ZSWIM4: variants seen among roughly 807,000 people sequenced by gnomAD.
The protein encoded by ZSWIM4 is zinc finger SWIM domain-containing protein 4.
Under a neutral mutation model 102.5 loss-of-function variants are expected in ZSWIM4, and 62 were observed. The observed-to-expected ratio is 0.60, with a 90% CI of 0.49 to 0.75. The LOEUF (loss-of-function observed/expected upper bound fraction) is 0.75, where lower values mean the gene tolerates loss of function less well. Among genes scored for constraint, ZSWIM4 ranks in the 30% least tolerant of loss-of-function variants. The pLI is 0.00. For missense variants in ZSWIM4, 1,280 were observed against 1,529.6 expected (o/e 0.84, Z 2.72); for synonymous variants, 652 against 674.5 (o/e 0.97, Z 0.52).
chr19:13,809,991 C>CT lies in ZSWIM4; in HGVS notation c.1012+784dup, dbSNP rs368996612. ...TTGTTTGTTTGTTTTCTTTTCTTTT[C>CT]TTTTTTTTTTTTTGAGAAGGAGTCT... On this transcript the variant is annotated intron_variant, in intron 5 of 13. Coordinates refer to ENST00000590508, the MANE Select transcript of ZSWIM4 (RefSeq NM_001367834.3). The surrounding 1 kb of genome is among the most constrained non-coding windows in gnomAD (Gnocchi z 4.2). Among the ~76,000 whole-genome samples the CT allele has an allele frequency of 0.11, 15,060 of 142,652 alleles. 895 individuals are homozygous for CT. Among genetic ancestry groups the CT allele is most frequent in the African/African-American group, 0.16 (6,159 of 38,698 alleles). 93.6% of individuals were successfully genotyped at this position (142,652 alleles called of 152,430 possible).
At position 13,832,200 on chromosome 19, in the gene ZSWIM4, C is replaced by A. The variant is rs1469843634; in HGVS notation, c.*1150C>A. On this transcript the variant is annotated 3_prime_UTR_variant, in exon 14 of 14. Coordinates refer to ENST00000590508, the MANE Select transcript of ZSWIM4 (RefSeq NM_001367834.3). ...TTGAGACTGGGGTGCATCTCCAGAGCCACTCACACCCTCAACCTCGTTTCC... is the reference window on the plus strand; with the variant it reads ...TTGAGACTGGGGTGCATCTCCAGAGACACTCACACCCTCAACCTCGTTTCC... 1 of 136,810 alleles carries A rather than the reference C, an allele frequency of 7.3e-6. No individual in the cohort carries two copies. The highest frequency in any genetic ancestry group is 2.9e-5 in the African/African-American group (1 of 34,960). The allele number at this position is 136,810 out of a possible 1,614,324, so 8.5% of individuals were successfully genotyped here. A position where few individuals can be genotyped will look rare whatever the true frequency, so the allele number is the denominator to read the frequency against.
chr19:13,808,506 C>T (rs1386151088), intron 3 of ZSWIM4, among the ~76,000 whole-genome samples: 8 of 151,744 alleles, frequency 5.3e-5, no homozygotes, highest in Non-Finnish European at 7.4e-5. Flanking sequence ...GAGGCCAAGG[C>T]GGGTGGATCA....
In ZSWIM4 at chr19:13,795,660, C is replaced by T. The variant is rs1015953921; in HGVS notation, c.12C>T (p.Pro4=). 12 of 834,352 alleles carry T rather than the reference C, an allele frequency of 1.4e-5. No homozygotes were observed. The African/African-American group carries it at 2.0e-4, about 14-fold the overall frequency. The allele number at this position is 834,352 out of a possible 1,614,324, so 51.7% of individuals were successfully genotyped here. Residue 4 remains proline (P), a synonymous_variant, in exon 1 of 14, where the codon CCC becomes CCT. Transcript: ENST00000590508. ...CCCGGCCGGGCCGGATGGAACCCCC[C>T]GCGGCCAAGCGGAGCCGGGGCTGCC... MEP[P]AAKRSRGCPA...
chr19:13,830,352 C>T lies in ZSWIM4; in HGVS notation c.2623C>T (p.Leu875=), dbSNP rs1411062215. ...GGAGCTCTGGGCCTGCGCCCGCACC[C>T]TGGCCTTGCAGTGCGCGATGAAGGA... ...REELWACART[L]ALQCAMKDPQ... The change falls in exon 14 of 14, where the codon CTG becomes TTG. Residue 875 remains leucine (L), a synonymous_variant. Transcript: ENST00000590508. 6 of 1,613,206 alleles carry T rather than the reference C, an allele frequency of 3.7e-6. No individual in the cohort carries two copies. Among genetic ancestry groups the T allele is most frequent in the Middle Eastern group, 3.3e-4 (2 of 6,084 alleles).
At chr19:13,806,551 A>G (rs1250957819) in intron 3 of ZSWIM4, among the ~76,000 whole-genome samples, 1 of 152,024 alleles carries the variant, frequency 6.6e-6, no homozygotes, top group Non-Finnish European at 1.5e-5. Context: ...ACACGCCTGT[A>G]GATACTTGGG....
At chr19:13,813,790 G>A (rs1179031173) in intron 6 of ZSWIM4, among the ~76,000 whole-genome samples, 7 of 151,386 alleles carry the variant, frequency 4.6e-5, no homozygotes, top group Admixed American at 2.6e-4. Flanking sequence ...GTGTTGTGAC[G>A]CACACCTGGA....
chr19:13,796,831 C>T (rs892123905), intron 1 of ZSWIM4: 11 of 152,362 alleles, frequency 7.2e-5, no homozygotes, highest in South Asian at 2.1e-4. Context: ...TATCCTCTGT[C>T]CAGCTTCAGG....
chr19:13,797,994 G>A (rs1974656812), intron 1 of ZSWIM4, among the ~76,000 whole-genome samples: 1 of 152,244 alleles, frequency 6.6e-6, no homozygotes, highest in Admixed American at 6.5e-5. Flanking sequence ...ACGAATTTGT[G>A]TTGGCCTGCA....
chr19:13,807,401 T>C (rs1368009548), intron 3 of ZSWIM4, among the ~76,000 whole-genome samples: 1 of 152,010 alleles, frequency 6.6e-6, no homozygotes, highest in African/African-American at 2.4e-5. Context: ...GTGAGACAGA[T>C]GAGTAAACAG....
intron 3 of ZSWIM4, 132 bp from the exon 4 acceptor site, chr19:13,808,704 A>C: frequency 1.0e-5 from 10 of 957,574 alleles, no homozygotes; most frequent in Non-Finnish European, 1.5e-5. Flanking sequence ...GTGCTACAGC[A>C]CTCCAGCCTG....
chr19:13,820,436 A>T (rs1447888642), intron 10 of ZSWIM4, among the ~76,000 whole-genome samples: 1 of 152,080 alleles, frequency 6.6e-6, no homozygotes, highest in Admixed American at 6.6e-5. Context: ...GGGTTTCACC[A>T]TGTTGCTCAG....
intron 12 of ZSWIM4, among the ~76,000 whole-genome samples, chr19:13,826,601 C>A (rs1226621490): frequency 6.6e-6 from 1 of 151,968 alleles, no homozygotes; most frequent in Non-Finnish European, 1.5e-5. Context: ...TCCGTCTCTA[C>A]TAAAAATACA....
intron 2 of ZSWIM4, among the ~76,000 whole-genome samples, chr19:13,801,428 C>T (rs571183694): frequency 3.2e-4 from 48 of 152,130 alleles, no homozygotes; most frequent in Non-Finnish European, 4.7e-4. Flanking sequence ...CTCCAGACCT[C>T]GGGCTGAGGG....
intron 10 of ZSWIM4, among the ~76,000 whole-genome samples, chr19:13,822,853 C>T (rs1599611333): frequency 6.6e-6 from 1 of 152,064 alleles, no homozygotes. Context: ...GTAGTACACG[C>T]CTGTAATCCC....
chr19:13,796,669 G>C (rs1173285977), intron 1 of ZSWIM4: 3 of 152,316 alleles, frequency 2.0e-5, no homozygotes, highest in Non-Finnish European at 4.4e-5. Context: ...CCCTGGACAG[G>C]TGCACCTAGA....
At chr19:13,826,338 G>A (rs1011555483) in intron 12 of ZSWIM4, among the ~76,000 whole-genome samples, 3 of 151,468 alleles carry the variant, frequency 2.0e-5, no homozygotes, top group Non-Finnish European at 4.4e-5. Flanking sequence ...GCAGAGCCTA[G>A]CAATAAAGAG....
chr19:13,800,072 T>TTTTTTTTTA, intron 2 of ZSWIM4, 151 bp downstream of exon 2: 1 of 720,570 alleles, frequency 1.4e-6, no homozygotes. Context: ...AAGATTTTTT[T>TTTTTTTTTA]TTTTTTTTTT....
intron 9 of ZSWIM4, among the ~76,000 whole-genome samples, chr19:13,818,352 T>C (rs1815252473): frequency 6.6e-6 from 1 of 152,144 alleles, no homozygotes; most frequent in Admixed American, 6.5e-5. Flanking sequence ...CCTATTGACC[T>C]GTGTGTTGTG....
intron 10 of ZSWIM4, among the ~76,000 whole-genome samples, chr19:13,821,145 G>T (rs1005353245): frequency 2.6e-5 from 4 of 152,060 alleles, no homozygotes; most frequent in Non-Finnish European, 4.4e-5. Flanking sequence ...TTAGCTGGGT[G>T]TGGAGGTGCA....
Sources: gnomAD v4.1 joint callset for allele counts (sites outside exome capture counted in the v4.1 genomes callset) on GRCh38, gnomAD v4.1.1 for gene constraint, Gnocchi (gnomAD v3.1) non-coding constraint, MANE v1.5 for transcripts, NCBI Gene and HGNC (gene_info 2026-07-23, HGNC 2026-07-21) for gene names.